OPN5: variants seen among roughly 807,000 people sequenced by gnomAD.
The protein encoded by OPN5 is opsin 5, also known as opsin-5.
In OPN5, 18 loss-of-function variants were observed where a neutral mutation model predicts 41.7. The ratio of observed to expected loss-of-function variants is 0.43; its 90% CI spans 0.30 to 0.64. The LOEUF (loss-of-function observed/expected upper bound fraction) is 0.64, where lower values mean the gene tolerates loss of function less well. OPN5 is among the 30% of genes least tolerant of loss of function. The pLI is 0.13. For missense variants in OPN5, 318 were observed against 434.5 expected, an observed-to-expected ratio of 0.73 and a Z score of 2.38; for synonymous variants, 178 against 164.3, an observed-to-expected ratio of 1.08 and a Z score of -0.64.
At chr6:47,823,174 A>AAGG (rs1762686714) in intron 6 of OPN5, among the ~76,000 whole-genome samples, 1 of 152,192 alleles carries the variant, frequency 6.6e-6, no homozygotes, top group Admixed American at 6.5e-5. Context: ...TTTAACCCTC[A>AAGG]AGGAGCTTAT....
At chr6:47,809,941 G>A (rs574103545) in intron 5 of OPN5, among the ~76,000 whole-genome samples, 8 of 152,294 alleles carry the variant, frequency 5.3e-5, no homozygotes, top group South Asian at 4.1e-4. Flanking sequence ...CAAATTTCAC[G>A]TGCCTCGTAA....
intron 1 of OPN5, among the ~76,000 whole-genome samples, chr6:47,785,603 C>A (rs1270811283): frequency 6.6e-6 from 1 of 152,140 alleles, no homozygotes; most frequent in Non-Finnish European, 1.5e-5. Context: ...CACTATGAAG[C>A]AAGAATTCCT....
intron 4 of OPN5, among the ~76,000 whole-genome samples, chr6:47,801,058 C>A (rs1471623147): frequency 6.6e-6 from 1 of 152,130 alleles, no homozygotes; most frequent in Non-Finnish European, 1.5e-5. Flanking sequence ...TAAAGTCCAC[C>A]TGCTATGTAT....
chr6:47,810,005 C>T (rs1774129521), intron 5 of OPN5, among the ~76,000 whole-genome samples: 2 of 152,116 alleles, frequency 1.3e-5, no homozygotes, highest in African/African-American at 2.4e-5. Context: ...CTGTGAGCAG[C>T]CCATAAATAT....
rs1389298718 is a variant in OPN5 at position 47,819,354 on chromosome 6, A to AT, written c.1057-4629_1057-4628insT. Among the ~76,000 whole-genome samples the AT allele has an allele frequency of 1.5e-3, 89 of 59,054 alleles. 20 individuals carry two copies. The highest frequency in any genetic ancestry group is 7.6e-3 in the East Asian group (6 of 792). 38.7% of individuals were successfully genotyped at this position (59,054 alleles called of 152,430 possible). On this transcript the variant is annotated intron_variant, in intron 6 of 6. Coordinates refer to ENST00000371211, the Ensembl canonical transcript of OPN5. ...AATTAGGAATATATATATATATATA[A>AT]AAAATATATTACCGTATAAGTAGAA...
At chr6:47,822,684 G>C (rs55829303) in intron 6 of OPN5, among the ~76,000 whole-genome samples, 19,052 of 152,264 alleles carry the variant, frequency 0.13, 1,328 homozygotes, top group Middle Eastern at 0.16. Flanking sequence ...TGTGGAGCCT[G>C]GCAAGAAGGG....
At chr6:47,809,913 G>C (rs1774124566) in intron 5 of OPN5, among the ~76,000 whole-genome samples, 1 of 152,216 alleles carries the variant, frequency 6.6e-6, no homozygotes, top group Non-Finnish European at 1.5e-5. Context: ...ATGGGAGTTT[G>C]ACAGGAATGA....
intron 4 of OPN5, among the ~76,000 whole-genome samples, chr6:47,803,292 G>A (rs1163033405): frequency 6.6e-6 from 1 of 152,128 alleles, no homozygotes; most frequent in Non-Finnish European, 1.5e-5. Context: ...GCTTGCCACT[G>A]GTAGAATCAC....
At chr6:47,806,136 C>T (rs1327875713) in intron 4 of OPN5, among the ~76,000 whole-genome samples, 1 of 151,930 alleles carries the variant, frequency 6.6e-6, no homozygotes, top group African/African-American at 2.4e-5. Flanking sequence ...AAGACATACA[C>T]TGGGAAGGTG....
At chr6:47,785,776 GA>G (rs2113946813) in intron 1 of OPN5, among the ~76,000 whole-genome samples, 1 of 152,182 alleles carries the variant, frequency 6.6e-6, no homozygotes, top group Non-Finnish European at 1.5e-5. Context: ...AAAAGGATAT[GA>G]AAAAGTGGGA....
At chr6:47,818,988 C>A (rs2114008933) in intron 6 of OPN5, among the ~76,000 whole-genome samples, 1 of 152,064 alleles carries the variant, frequency 6.6e-6, no homozygotes, top group East Asian at 1.9e-4. Flanking sequence ...CCAAGCCCTG[C>A]AAATGAAGAC....
At chr6:47,787,190 A>C in intron 2 of OPN5, 1 of 981,690 alleles carries the variant, frequency 1.0e-6, no homozygotes, top group Non-Finnish European at 1.2e-6. Context: ...TGGTCCTCAA[A>C]TGCAACTCAC....
intron 4 of OPN5, among the ~76,000 whole-genome samples, chr6:47,797,542 C>T (rs1443892677): frequency 6.6e-6 from 1 of 152,124 alleles, no homozygotes; most frequent in African/African-American, 2.4e-5. Flanking sequence ...ATTTTAGAAA[C>T]TGGGCAAATG....
At chr6:47,808,775 C>T (rs768032060) in intron 5 of OPN5, among the ~76,000 whole-genome samples, 26 of 152,068 alleles carry the variant, frequency 1.7e-4, no homozygotes, top group Non-Finnish European at 2.9e-4. Context: ...TCTTGTCTGG[C>T]ACATCACTAC....
intron 4 of OPN5, among the ~76,000 whole-genome samples, chr6:47,807,268 A>G (rs1774007329): frequency 6.6e-6 from 1 of 152,222 alleles, no homozygotes; most frequent in South Asian, 2.1e-4. Flanking sequence ...CTAGAGGGAT[A>G]CAACTCAGGC....
intron 1 of OPN5, among the ~76,000 whole-genome samples, chr6:47,784,178 C>T (rs953026084): frequency 8.5e-5 from 13 of 152,160 alleles, no homozygotes; most frequent in Non-Finnish European, 2.9e-5. Context: ...AGAGAACAGT[C>T]ACGCAGGGTG....
intron 2 of OPN5, among the ~76,000 whole-genome samples, chr6:47,790,862 A>G (rs1438171667): frequency 6.6e-6 from 1 of 152,090 alleles, no homozygotes; most frequent in Non-Finnish European, 1.5e-5. Context: ...TTTCATAGAC[A>G]CTTAACTCCT....
intron 1 of OPN5, among the ~76,000 whole-genome samples, chr6:47,783,104 G>C (rs1219990039): frequency 3.3e-5 from 5 of 151,784 alleles, no homozygotes; most frequent in Non-Finnish European, 5.9e-5. Context: ...GTGGCTACCA[G>C]AAAATTTTAG....
intron 4 of OPN5, among the ~76,000 whole-genome samples, chr6:47,801,496 A>G (rs1052488046): frequency 6.6e-6 from 1 of 152,200 alleles, no homozygotes; most frequent in Admixed American, 6.5e-5. Context: ...CAGATTCAGA[A>G]GACCCCCTGT....
Sources: allele counts gnomAD v4.1 joint callset (sites outside exome capture counted in the v4.1 genomes callset), GRCh38; gene constraint gnomAD v4.1.1; transcripts MANE v1.5; gene names NCBI Gene and HGNC (gene_info 2026-07-23, HGNC 2026-07-21).